The following PLB1 variants were observed in gnomAD, a reference collection of about 807,000 sequenced individuals.
The protein encoded by PLB1 is phospholipase B1, also known as phospholipase B1, membrane-associated.
PLB1 carries 242 observed loss-of-function variants against 227.4 expected under a neutral mutation model. That is an observed-to-expected ratio of 1.06 (90% CI 0.96 to 1.18). The LOEUF is 1.18. Ranked by LOEUF, PLB1 falls within the 50% of genes most tolerant of loss-of-function variation. PLB1 has a pLI of 0.00. For synonymous variants in PLB1, 757 were observed against 682.2 expected (o/e 1.11, Z -1.71); for missense variants, 1,858 against 1,816.3 (o/e 1.02, Z -0.42).
intron 25 of PLB1, among the ~76,000 whole-genome samples, chr2:28,582,941 C>G (rs1390625542): frequency 6.6e-6 from 1 of 152,086 alleles, no homozygotes; most frequent in African/African-American, 2.4e-5. Flanking sequence ...TATGGGTGTT[C>G]CATGTAAAGC....
chr2:28,613,324 C>T lies in PLB1; in HGVS notation c.3130-707C>T, dbSNP rs1357082476. 5.3e-5 allele frequency among the ~76,000 whole-genome samples: 8 copies of T among 152,210 alleles called. No individual in the cohort carries two copies. In the South Asian group the frequency reaches 6.2e-4, roughly 12 times the overall value. On this transcript the variant is annotated intron_variant, in intron 43 of 57. Transcript: ENST00000327757. Reference sequence around the variant, plus strand: ...GTGAGAGTGCTCACAGCCCTGGGCCCGGTTGCTGTTTCCTGATCTCAGTCT... The same window carrying T: ...GTGAGAGTGCTCACAGCCCTGGGCCTGGTTGCTGTTTCCTGATCTCAGTCT...
intron 16 of PLB1, among the ~76,000 whole-genome samples, chr2:28,551,591 A>G (rs1384003896): frequency 6.6e-6 from 1 of 152,206 alleles, no homozygotes; most frequent in Non-Finnish European, 1.5e-5. Context: ...CAATGAGCAT[A>G]CACCTGAGAC....
chr2:28,574,933 T>G (rs1165236540), intron 21 of PLB1, among the ~76,000 whole-genome samples: 5 of 152,230 alleles, frequency 3.3e-5, no homozygotes, highest in East Asian at 3.8e-4. Context: ...GCACTTAGGT[T>G]GGTTCCATAT....
intron 25 of PLB1, among the ~76,000 whole-genome samples, chr2:28,584,803 T>A (rs1028885684): frequency 3.3e-5 from 5 of 152,238 alleles, no homozygotes; most frequent in African/African-American, 1.2e-4. Context: ...GCCAGATAGC[T>A]GGCCGGGTCA....
At chr2:28,508,085 G>C (rs923382097) in intron 1 of PLB1, among the ~76,000 whole-genome samples, 1 of 152,170 alleles carries the variant, frequency 6.6e-6, no homozygotes, top group African/African-American at 2.4e-5. Context: ...CTGGAAATTC[G>C]GGATAGAAGA....
chr2:28,613,302 A>G (rs886281815), intron 43 of PLB1, among the ~76,000 whole-genome samples: 4 of 152,194 alleles, frequency 2.6e-5, no homozygotes, highest in Non-Finnish European at 5.9e-5. Flanking sequence ...ACATTTTGTG[A>G]GAGTGCTCAC....
At position 28,516,338 on chromosome 2, in the gene PLB1, C is replaced by G. The variant is rs79444770; in HGVS notation, c.56-470C>G. On this transcript the variant is annotated intron_variant, in intron 1 of 57. Transcript: ENST00000327757. ...ACAGCCCCTGTCCAGGTACTTAGTA[C>G]AGTCATGGCTGCTAGGAATCCTGTG... Among the ~76,000 whole-genome samples the G allele has an allele frequency of 8.4e-4, 128 of 152,300 alleles. 6 individuals are homozygous for G. The East Asian group carries it at 0.014, about 16-fold the overall frequency.
chr2:28,626,353 G>T, intron 50 of PLB1, 75 bp from the exon 51 acceptor site: 2 of 1,267,346 alleles, frequency 1.6e-6, no homozygotes, highest in South Asian at 2.4e-5. Context: ...TTGGAGGGCG[G>T]GCGGGCTGGC....
intron 56 of PLB1, among the ~76,000 whole-genome samples, chr2:28,634,361 T>C (rs1161149437): frequency 6.6e-6 from 1 of 150,802 alleles, no homozygotes; most frequent in African/African-American, 2.5e-5. Flanking sequence ...CATGTGACTT[T>C]ATTCCTTTGT....
chr2:28,568,163 C>T (rs1174611052), intron 20 of PLB1, among the ~76,000 whole-genome samples: 1 of 152,208 alleles, frequency 6.6e-6, no homozygotes, highest in Non-Finnish European at 1.5e-5. Context: ...TTCTTTATAT[C>T]TAGGTCTACA....
intron 21 of PLB1, 58 bp downstream of exon 21, chr2:28,573,363 G>A: frequency 2.2e-6 from 3 of 1,364,198 alleles, no homozygotes; most frequent in South Asian, 1.2e-5. Flanking sequence ...CCAGGGGTGG[G>A]CTTGGCCTAA....
chr2:28,504,664 C>T (rs1572631180), intron 1 of PLB1, among the ~76,000 whole-genome samples: 2 of 152,086 alleles, frequency 1.3e-5, no homozygotes, highest in African/African-American at 4.8e-5. Context: ...ATTACTTGAA[C>T]CTGGGAGGTG....
intron 9 of PLB1, among the ~76,000 whole-genome samples, chr2:28,533,800 C>A (rs1476413038): frequency 2.0e-5 from 3 of 152,202 alleles, no homozygotes; most frequent in Non-Finnish European, 4.4e-5. Flanking sequence ...TACATAAATT[C>A]TTGCATGCTT....
At chr2:28,568,523 G>A (rs921652751) in intron 20 of PLB1, among the ~76,000 whole-genome samples, 3 of 152,166 alleles carry the variant, frequency 2.0e-5, no homozygotes, top group Non-Finnish European at 4.4e-5. Flanking sequence ...ATATGGAAAC[G>A]TGTTAGAAAA....
intron 21 of PLB1, among the ~76,000 whole-genome samples, chr2:28,576,134 T>C (rs539780267): frequency 6.6e-6 from 1 of 152,260 alleles, no homozygotes; most frequent in South Asian, 2.1e-4. Context: ...TGGGGCTCTT[T>C]CATGCAAGCA....
At chr2:28,499,027 A>G (rs1666786848) in intron 1 of PLB1, among the ~76,000 whole-genome samples, 1 of 152,196 alleles carries the variant, frequency 6.6e-6, no homozygotes. Context: ...TGTTGCAGGC[A>G]TGGACATATT....
Position 28,643,364 on chromosome 2 carries a change from G to T in PLB1, c.*303G>T, listed in dbSNP as rs541576071. 2 of 258,364 alleles carry T rather than the reference G, an allele frequency of 7.7e-6. No homozygotes were observed. The highest frequency in any genetic ancestry group is 4.4e-5 in the African/African-American group (2 of 45,498). The allele number at this position is 258,364 out of a possible 1,614,324, so 16.0% of individuals were successfully genotyped here. On this transcript the variant is annotated 3_prime_UTR_variant, in exon 58 of 58. Transcript: ENST00000327757. ...TTTGTGGCCTGCCTCCAGCAGGGCT[G>T]CCCAAGCCACGACCAACCAGAGCCC...
At chr2:28,504,426 G>A (rs995636367) in intron 1 of PLB1, among the ~76,000 whole-genome samples, 13 of 152,116 alleles carry the variant, frequency 8.5e-5, no homozygotes, top group African/African-American at 2.9e-4. Context: ...AAAACTTCAA[G>A]TTTGTCTTAT....
At chr2:28,582,246 C>A (rs942027739) in intron 24 of PLB1, 113 bp downstream of exon 24, 2 of 1,313,886 alleles carry the variant, frequency 1.5e-6, no homozygotes, top group South Asian at 1.2e-5. Flanking sequence ...TGGATCCCAG[C>A]CCAAATGCAT....
Sources: allele counts gnomAD v4.1 joint callset (sites outside exome capture counted in the v4.1 genomes callset), GRCh38; gene constraint gnomAD v4.1.1; transcripts MANE v1.5; gene names NCBI Gene and HGNC (gene_info 2026-07-23, HGNC 2026-07-21).